Variants in PHF21A observed in about 807,000 individuals in gnomAD.
PHF21A encodes BHC80a.
In PHF21A, 11 loss-of-function variants were observed where a neutral mutation model predicts 82.5. The observed-to-expected ratio is 0.13, with a 90% CI of 0.08 to 0.22. PHF21A has a LOEUF of 0.22. Among genes scored for constraint, PHF21A ranks in the 10% least tolerant of loss-of-function variants. The pLI is 1.00. For synonymous variants in PHF21A, 297 were observed against 302.8 expected, an observed-to-expected ratio of 0.98 and a Z score of 0.20; for missense variants, 579 against 837.8, an observed-to-expected ratio of 0.69 and a Z score of 3.81.
At chr11:46,025,458 A>G (rs1238299894) in intron 6 of PHF21A, among the ~76,000 whole-genome samples, 6 of 152,258 alleles carry the variant, frequency 3.9e-5, no homozygotes, top group African/African-American at 1.4e-4. Context: ...CGATTAGGTT[A>G]GCAGAGATGT....
At chr11:45,988,718 C>T (rs1358484312) in intron 6 of PHF21A, among the ~76,000 whole-genome samples, 1 of 151,890 alleles carries the variant, frequency 6.6e-6, no homozygotes, top group Non-Finnish European at 1.5e-5. Flanking sequence ...GCAAAAATCC[C>T]GTCTCTACAG....
intron 7 of PHF21A, among the ~76,000 whole-genome samples, chr11:45,979,018 CTTCTT>C (rs1225169574): frequency 2.0e-5 from 3 of 150,910 alleles, no homozygotes; most frequent in African/African-American, 4.9e-5. Flanking sequence ...ATATAGCACT[CTTCTT>C]TTTTTTTTTT....
intron 6 of PHF21A, among the ~76,000 whole-genome samples, chr11:45,994,209 G>T (rs1035697358): frequency 1.3e-5 from 2 of 152,194 alleles, no homozygotes; most frequent in African/African-American, 4.8e-5. Context: ...GCAACATTTA[G>T]ACTGGGTAAA....
chr11:46,088,829 G>T (rs183386217), intron 3 of PHF21A, among the ~76,000 whole-genome samples: 44 of 152,132 alleles, frequency 2.9e-4, no homozygotes, highest in Middle Eastern at 3.4e-3. Flanking sequence ...ATTCTCTAAG[G>T]AGGTTCTTCT....
At chr11:45,935,809 C>T in intron 17 of PHF21A, 70 bp from the exon 18 acceptor site, 1 of 758,266 alleles carries the variant, frequency 1.3e-6, no homozygotes. Flanking sequence ...CCTCTGTGCT[C>T]AGAATGCCTG....
chr11:46,034,300 A>G (rs1484332321), intron 6 of PHF21A, among the ~76,000 whole-genome samples: 1 of 149,478 alleles, frequency 6.7e-6, no homozygotes, highest in African/African-American at 2.5e-5. Context: ...ATGTAAGACT[A>G]ATAACCCTTT....
At chr11:46,052,912 T>A (rs1169486070) in intron 6 of PHF21A, among the ~76,000 whole-genome samples, 1 of 151,916 alleles carries the variant, frequency 6.6e-6, no homozygotes, top group Non-Finnish European at 1.5e-5. Flanking sequence ...TCAAGGGGCA[T>A]GTGTGTGTGT....
At chr11:45,969,495 A>C (rs965314714) in intron 9 of PHF21A, among the ~76,000 whole-genome samples, 1 of 152,212 alleles carries the variant, frequency 6.6e-6, no homozygotes, top group Admixed American at 6.5e-5. Flanking sequence ...AAGAAGTGTT[A>C]ATTGCATTCT....
At chr11:46,031,504 A>G (rs949425358) in intron 6 of PHF21A, among the ~76,000 whole-genome samples, 2 of 152,230 alleles carry the variant, frequency 1.3e-5, no homozygotes, top group African/African-American at 4.8e-5. Flanking sequence ...GATAGTACAC[A>G]GGACCCATGA....
chr11:46,111,522 T>C (rs1177215176), intron 1 of PHF21A, among the ~76,000 whole-genome samples: 1 of 152,160 alleles, frequency 6.6e-6, no homozygotes, highest in African/African-American at 2.4e-5. Flanking sequence ...AGAGTTTTCT[T>C]AAATAAACAT....
intron 6 of PHF21A, among the ~76,000 whole-genome samples, chr11:46,034,158 T>A (rs1012458518): frequency 5.9e-5 from 9 of 152,196 alleles, no homozygotes; most frequent in African/African-American, 2.4e-5. Flanking sequence ...TGATGCTTCC[T>A]ATTCTGTAAC....
intron 6 of PHF21A, among the ~76,000 whole-genome samples, chr11:46,048,103 C>T (rs1471958230): frequency 1.3e-5 from 2 of 152,160 alleles, no homozygotes; most frequent in African/African-American, 4.8e-5. Flanking sequence ...GCCACTGCCC[C>T]AAAAAGGAAC....
chr11:46,029,054 T>G (rs2095811931), intron 6 of PHF21A, among the ~76,000 whole-genome samples: 1 of 152,266 alleles, frequency 6.6e-6, no homozygotes, highest in African/African-American at 2.4e-5. Context: ...ATCTGACCAT[T>G]ACCTTTTCAA....
chr11:45,969,096 T>C (rs1219718359), intron 9 of PHF21A, among the ~76,000 whole-genome samples: 1 of 152,134 alleles, frequency 6.6e-6, no homozygotes, highest in Non-Finnish European at 1.5e-5. Flanking sequence ...TGGAAATCAT[T>C]TACACTACTG....
At chr11:45,963,788 C>T (rs2093264376) in intron 10 of PHF21A, among the ~76,000 whole-genome samples, 1 of 152,142 alleles carries the variant, frequency 6.6e-6, no homozygotes, top group Admixed American at 6.5e-5. Flanking sequence ...AGAGCCAGTG[C>T]AAAACAACAG....
At chr11:46,091,971 T>C (rs1261060354) in intron 2 of PHF21A, among the ~76,000 whole-genome samples, 1 of 152,136 alleles carries the variant, frequency 6.6e-6, no homozygotes, top group Non-Finnish European at 1.5e-5. Flanking sequence ...CGGTGGAACA[T>C]GCAGGCCTAG....
intron 1 of PHF21A, chr11:46,119,668 G>C (rs1852452958): frequency 6.6e-6 from 1 of 151,424 alleles, no homozygotes; most frequent in Non-Finnish European, 1.5e-5. Context: ...TTCTCCTCCG[G>C]TGCCCAATCT....
intron 10 of PHF21A, among the ~76,000 whole-genome samples, chr11:45,957,783 A>G (rs2092774128): frequency 6.6e-6 from 1 of 151,140 alleles, no homozygotes; most frequent in Non-Finnish European, 1.5e-5. Context: ...AAAAGAAAAT[A>G]AAGTCTAGGA....
chr11:46,093,182 CA>C (rs1278138452), intron 1 of PHF21A, among the ~76,000 whole-genome samples: 35 of 152,254 alleles, frequency 2.3e-4, no homozygotes, highest in Middle Eastern at 3.4e-3. Flanking sequence ...TATTAGGAAA[CA>C]AAAATTAAAA....
Sources: gnomAD v4.1 joint callset for allele counts (sites outside exome capture counted in the v4.1 genomes callset) on GRCh38, gnomAD v4.1.1 for gene constraint, MANE v1.5 for transcripts, NCBI Gene and HGNC (gene_info 2026-07-23, HGNC 2026-07-21) for gene names.